NAGK: variants seen among roughly 807,000 people sequenced by gnomAD.
NAGK encodes the protein N-acetylglucosamine kinase.
A neutral mutation model predicts 42.9 loss-of-function variants in NAGK; 35 were observed. That is an observed-to-expected ratio of 0.82 (90% CI 0.62 to 1.08). The LOEUF (loss-of-function observed/expected upper bound fraction) is 1.08, where lower values mean the gene tolerates loss of function less well. NAGK is among the 50% of genes least tolerant of loss of function. NAGK has a pLI of 0.00. For synonymous variants in NAGK, 172 were observed against 176.0 expected, an observed-to-expected ratio of 0.98 and a Z score of 0.18; for missense variants, 446 against 446.0, an observed-to-expected ratio of 1.00 and a Z score of 0.00.
chr2:71,072,990 A>G, intron 5 of NAGK: 1 of 562,090 alleles, frequency 1.8e-6, no homozygotes. Context: ...ATCCCTCAGC[A>G]CAGGGGCCTG....
At chr2:71,068,315 C>A, upstream of NAGK, 1 of 496,980 alleles carries the variant, frequency 2.0e-6, no homozygotes, top group Non-Finnish European at 3.3e-6. Flanking sequence ...CCAGCAACTT[C>A]CGGGCGTTTA....
At chr2:71,073,371 C>T in intron 5 of NAGK, 111 bp from the exon 6 acceptor site, 1 of 679,354 alleles carries the variant, frequency 1.5e-6, no homozygotes, top group Non-Finnish European at 2.6e-6. Context: ...ATCAGGAAAC[C>T]TAATTTGTAT....
chr2:71,068,441 G>A (rs1671860494), upstream of NAGK: 2 of 1,362,194 alleles, frequency 1.5e-6, no homozygotes, highest in Non-Finnish European at 1.9e-6. Context: ...GAGGACGGGA[G>A]GGGCCGCTGC....
At chr2:71,071,589 TGG>T (rs1186477771) in intron 3 of NAGK, 95 bp from the exon 4 acceptor site, 2 of 1,461,802 alleles carry the variant, frequency 1.4e-6, no homozygotes, top group African/African-American at 2.8e-5. Flanking sequence ...TATGGCCAGA[TGG>T]GGAGAACAGG....
chr2:71,072,614 A>G (rs780360672), intron 4 of NAGK, 27 bp from the exon 5 acceptor site: 7 of 1,594,568 alleles, frequency 4.4e-6, no homozygotes, highest in Non-Finnish European at 4.3e-6. Context: ...CCTCGGCCAC[A>G]CTGAGCCTCC....
Position 71,079,502 on chromosome 2 carries a change from C to A in NAGK, c.*994C>A, listed in dbSNP as rs1197303476. ...AGTTTGTTTTAAAACACGGTTTTGG[C>A]CGGGCACGGTGGCTCACGCCTGTAA... is the stretch of plus-strand genomic sequence containing the variant. On this transcript the variant is annotated 3_prime_UTR_variant, in exon 10 of 10. Coordinates refer to ENST00000244204, the MANE Select transcript of NAGK (RefSeq NM_017567.6). 6.6e-6 allele frequency: 1 copy of A among 152,316 alleles called. No homozygotes were observed. Among genetic ancestry groups the A allele is most frequent in the East Asian group, 1.9e-4 (1 of 5,202 alleles). 9.4% of individuals were successfully genotyped at this position (152,316 alleles called of 1,614,324 possible). A position where few individuals can be genotyped will look rare whatever the true frequency, so the allele number is the denominator to read the frequency against.
chr2:71,071,361 T>G, intron 3 of NAGK: 1 of 351,756 alleles, frequency 2.8e-6, no homozygotes, highest in Non-Finnish European at 5.2e-6. Flanking sequence ...AAACCTCGTG[T>G]ATACCAAACC....
In NAGK at chr2:71,069,644, A is replaced by G. The variant is rs1257556256; in HGVS notation, c.30-858A>G. ...CATCCTTGTTATAGTCATCTGTAAG[A>G]TATGACCCGTTTCTTCCAGTTCGTC... On this transcript the variant is annotated intron_variant, in intron 1 of 9. Coordinates refer to ENST00000244204, the MANE Select transcript of NAGK (RefSeq NM_017567.6). 3 of 154,438 alleles carry G rather than the reference A, an allele frequency of 1.9e-5. No individual in the cohort carries two copies. In the East Asian group the frequency reaches 5.8e-4, roughly 30 times the overall value. 9.6% of individuals were successfully genotyped at this position (154,438 alleles called of 1,614,324 possible).
At position 71,078,275 on chromosome 2, in the gene NAGK, T is replaced by A. The variant is rs779037429; in HGVS notation, c.845-43T>A. 6 of 1,584,838 alleles carry A rather than the reference T, an allele frequency of 3.8e-6. No individual in the cohort carries two copies. The South Asian group carries it at 6.6e-5, about 18-fold the overall frequency. ...CTTCCTTCCTGGCCCCAGTACAGGT[T>A]GCTGTTCTCCTCTTATCTCTGTCCT... On this transcript the variant is annotated intron_variant, in intron 9 of 9. Transcript: ENST00000244204.
chr2:71,077,023 G>C (rs1371143079), intron 8 of NAGK, among the ~76,000 whole-genome samples: 2 of 152,012 alleles, frequency 1.3e-5, no homozygotes, highest in Non-Finnish European at 2.9e-5. Flanking sequence ...GAGTGCAGTA[G>C]CGTGATCTCA....
intron 5 of NAGK, 55 bp from the exon 6 acceptor site, chr2:71,073,427 C>A (rs1378964322): frequency 6.3e-6 from 8 of 1,275,668 alleles, no homozygotes; most frequent in Admixed American, 5.0e-5. Context: ...AGTTTCCCTC[C>A]TCGTGAGCTC....
chr2:71,075,303 G>A, intron 6 of NAGK: 1 of 398,774 alleles, frequency 2.5e-6, no homozygotes, highest in South Asian at 6.0e-5. Flanking sequence ...GAAACTATAG[G>A]AAACACTTTG....
At chr2:71,075,410 A>C in intron 6 of NAGK, 145 bp from the exon 7 acceptor site, 1 of 611,854 alleles carries the variant, frequency 1.6e-6, no homozygotes, top group Non-Finnish European at 2.9e-6. Context: ...CTCAAATGAG[A>C]AATCTCAAAT....
At chr2:71,068,988 C>T in intron 1 of NAGK, 2 of 1,218,236 alleles carry the variant, frequency 1.6e-6, no homozygotes. Flanking sequence ...ACCCACTCCG[C>T]TGTCTTCAGC....
intron 9 of NAGK, 134 bp downstream of exon 9, chr2:71,077,770 G>A (rs541676184): frequency 4.2e-5 from 37 of 880,700 alleles, no homozygotes; most frequent in South Asian, 2.3e-4. Flanking sequence ...TGATGCTCCC[G>A]TCTAAGGCCC....
chr2:71,071,820 A>C lies in NAGK; in HGVS notation c.348A>C (p.Thr116=). ...TDAAGSIATA[T]PDGGVVLISG... ...CCGCCGGCTCCATCGCCACAGCTAC[A>C]CCGGATGGTGAGGAAGTGGAGGGAG... The change falls in exon 4 of 10, where the codon ACA becomes ACC. Residue 116 remains threonine (T), a synonymous_variant. Transcript: ENST00000244204. 6.2e-7 allele frequency: 1 copy of C among 1,614,012 alleles called. No homozygotes were observed. The highest frequency in any genetic ancestry group is 8.5e-7 in the Non-Finnish European group (1 of 1,179,970).
chr2:71,068,309 C>G, upstream of NAGK: 1 of 489,626 alleles, frequency 2.0e-6, no homozygotes, highest in Non-Finnish European at 3.4e-6. Flanking sequence ...GGACTGCCAG[C>G]AACTTCCGGG....
chr2:71,075,565 G>T lies in NAGK; in HGVS notation c.590G>T (p.Arg197Leu), dbSNP rs757025522. Residue 197 changes from arginine to leucine, a missense_variant, in exon 7 of 10, where the codon CGG becomes CTG. Physicochemically the swap from Arg to Leu is moderately radical, Grantham distance 102. Transcript: ENST00000244204. ...CCTTTCTCCTCTCAGGTGCCAGATC[G>T]GCTAGGGATACTCACTCACCTGTAT... ...AMFHYFQVPD[R>L]LGILTHLYRD... 6.2e-7 allele frequency: 1 copy of T among 1,613,672 alleles called. No individual in the cohort carries two copies. Among genetic ancestry groups the T allele is most frequent in the South Asian group, 1.1e-5 (1 of 91,052 alleles).
At chr2:71,070,947 T>C in intron 3 of NAGK, 108 bp downstream of exon 3, 2 of 1,118,758 alleles carry the variant, frequency 1.8e-6, no homozygotes, top group East Asian at 2.5e-5. Flanking sequence ...CCTCCAAGAC[T>C]TAGTCCCTGG....
Sources: gnomAD v4.1 joint callset for allele counts (sites outside exome capture counted in the v4.1 genomes callset) on GRCh38, gnomAD v4.1.1 for gene constraint, MANE v1.5 for transcripts, NCBI Gene and HGNC (gene_info 2026-07-23, HGNC 2026-07-21) for gene names.